The following HERC1 variants were observed in gnomAD, a reference collection of about 807,000 sequenced individuals.
HERC1 encodes the protein probable E3 ubiquitin-protein ligase HERC1.
Under a neutral mutation model 554.3 loss-of-function variants are expected in HERC1, and 160 were observed. That is an observed-to-expected ratio of 0.29 (90% CI 0.25 to 0.33). HERC1 has a LOEUF of 0.33. Among genes scored for constraint, HERC1 ranks in the 10% least tolerant of loss-of-function variants. The pLI, the probability that HERC1 is intolerant of heterozygous loss-of-function variation, is 1.00. For synonymous variants in HERC1, 2,175 were observed against 2,131.7 expected, an observed-to-expected ratio of 1.02 and a Z score of -0.56; for missense variants, 4,919 against 5,918.5, an observed-to-expected ratio of 0.83 and a Z score of 5.54.
intron 19 of HERC1, among the ~76,000 whole-genome samples, chr15:63,720,698 G>A (rs1221341744): frequency 6.6e-6 from 1 of 151,978 alleles, no homozygotes; most frequent in Non-Finnish European, 1.5e-5. Flanking sequence ...TCCTCATCAG[G>A]CTCTTAGGAA....
chr15:63,757,194 TA>T lies in HERC1; in HGVS notation c.1222-447del, dbSNP rs914657052. ...GAAAGTTCTAGCTGGGCTACAAATGTAAAAAAAAAAGTGATCATAAGAAAAT... is the reference window on the plus strand; with the variant it reads ...GAAAGTTCTAGCTGGGCTACAAATGTAAAAAAAAAGTGATCATAAGAAAAT... On this transcript the variant is annotated intron_variant, in intron 4 of 77. Coordinates refer to ENST00000443617, the MANE Select transcript of HERC1 (RefSeq NM_003922.4). Among the ~76,000 whole-genome samples the T allele has an allele frequency of 1.5e-3, 198 of 130,812 alleles. 1 individual carries two copies. The highest frequency in any genetic ancestry group is 4.1e-3 in the African/African-American group (145 of 35,458). The allele number at this position is 130,812 out of a possible 152,430, so 85.8% of individuals were successfully genotyped here. A position where few individuals can be genotyped will look rare whatever the true frequency, so the allele number is the denominator to read the frequency against.
chr15:63,617,159 G>A (rs866655382), intron 74 of HERC1, among the ~76,000 whole-genome samples: 6 of 151,894 alleles, frequency 4.0e-5, no homozygotes, highest in South Asian at 4.2e-4. Flanking sequence ...ATCCCTCCCC[G>A]CTCCCCTCAC....
At chr15:63,751,491 C>A (rs1345134501) in intron 8 of HERC1, among the ~76,000 whole-genome samples, 1 of 152,122 alleles carries the variant, frequency 6.6e-6, no homozygotes, top group East Asian at 1.9e-4. Flanking sequence ...CTCAGTAAGG[C>A]CTACATAGAG....
intron 1 of HERC1, among the ~76,000 whole-genome samples, chr15:63,787,960 CAAAA>C (rs375499946): frequency 1.1e-4 from 5 of 45,660 alleles, no homozygotes; most frequent in East Asian, 1.3e-3. Context: ...GACCCTGTCT[CAAAA>C]AAAAAAAAAA....
At chr15:63,686,286 C>T (rs2071758411) in intron 34 of HERC1, 73 bp downstream of exon 34, 1 of 1,102,408 alleles carries the variant, frequency 9.1e-7, no homozygotes, top group Admixed American at 2.5e-5. Context: ...TCTTTCTACA[C>T]ATTTATTATA....
intron 69 of HERC1, 140 bp from the exon 70 acceptor site, chr15:63,628,955 T>A: frequency 5.8e-6 from 1 of 172,320 alleles, no homozygotes; most frequent in Non-Finnish European, 9.3e-6. Context: ...AACACATTCT[T>A]TTTTTTTTTT....
intron 77 of HERC1, among the ~76,000 whole-genome samples, chr15:63,609,660 C>T (rs1434135396): frequency 6.6e-6 from 1 of 152,136 alleles, no homozygotes; most frequent in African/African-American, 2.4e-5. Flanking sequence ...GATGCCCCCA[C>T]AGAGCAGGTA....
Position 63,694,949 on chromosome 15 carries a change from C to A in HERC1, c.5122-55G>T. The A allele has an allele frequency of 2.0e-6, 3 of 1,505,454 alleles. No homozygotes were observed. Among genetic ancestry groups the A allele is most frequent in the Admixed American group, 4.3e-5 (2 of 46,936 alleles). The allele number at this position is 1,505,454 out of a possible 1,614,324, so 93.3% of individuals were successfully genotyped here. On this transcript the variant is annotated intron_variant, in intron 27 of 77. Transcript: ENST00000443617. The surrounding 1 kb of genome is among the most constrained non-coding windows in gnomAD (Gnocchi z 4.3). ...TATTAGCAACAATAATACCTGCTTG[C>A]AAAAAGAAGTAATAACATTTTATTT...
At chr15:63,671,803 A>C (rs2070942426) in intron 39 of HERC1, among the ~76,000 whole-genome samples, 1 of 152,190 alleles carries the variant, frequency 6.6e-6, no homozygotes, top group South Asian at 2.1e-4. Context: ...TTAACTAAGG[A>C]AAGAGGGGAA....
chr15:63,609,747 G>A (rs139958932), intron 77 of HERC1, among the ~76,000 whole-genome samples: 42 of 152,296 alleles, frequency 2.8e-4, no homozygotes, highest in African/African-American at 9.9e-4. Flanking sequence ...GTCCTCATGT[G>A]CATTCTGCCT....
chr15:63,753,341 T>C (rs542301454), intron 7 of HERC1, among the ~76,000 whole-genome samples: 4 of 152,186 alleles, frequency 2.6e-5, no homozygotes, highest in African/African-American at 2.4e-5. Context: ...AAAAGAAACA[T>C]AGACAATTAT....
chr15:63,631,188 G>A (rs1258389300), intron 68 of HERC1, among the ~76,000 whole-genome samples: 1 of 152,146 alleles, frequency 6.6e-6, no homozygotes, highest in Non-Finnish European at 1.5e-5. Context: ...CATTCAACTT[G>A]TCTTGTCCTC....
Position 63,645,048 on chromosome 15 carries a change from T to C in HERC1, c.11128A>G (p.Thr3710Ala), listed in dbSNP as rs752231060. ...VCVWRIPQDT[T>A]QTNVTSAEGW... ...TCTGCACTAGTCACATTGGTCTGTGTAGTATCTTGAGGAATGCGCCAAACA... is the reference window on the plus strand; with the variant it reads ...TCTGCACTAGTCACATTGGTCTGTGCAGTATCTTGAGGAATGCGCCAAACA... Residue 3710 changes from threonine (T) to alanine (A), a missense_variant, in exon 57 of 78, where the codon ACA (threonine) becomes GCA (alanine). Thr to Ala is a moderately conservative substitution (Grantham distance 58, BLOSUM62 0). Coordinates refer to ENST00000443617, the MANE Select transcript of HERC1 (RefSeq NM_003922.4). The C allele has an allele frequency of 1.2e-6, 2 of 1,613,748 alleles. No individual in the cohort carries two copies. The highest frequency in any genetic ancestry group is 1.1e-5 in the South Asian group (1 of 91,088).
chr15:63,744,641 A>G (rs2074987584), intron 12 of HERC1, among the ~76,000 whole-genome samples: 1 of 152,170 alleles, frequency 6.6e-6, no homozygotes. Context: ...CCCAGGCCAC[A>G]AGGAGTATTG....
At chr15:63,743,540 G>A (rs1405431874) in intron 12 of HERC1, among the ~76,000 whole-genome samples, 2 of 152,050 alleles carry the variant, frequency 1.3e-5, no homozygotes, top group Non-Finnish European at 2.9e-5. Flanking sequence ...TGGGATTACA[G>A]GCGTGAGCCA....
chr15:63,760,435 C>CAAA (rs34164820), intron 3 of HERC1, among the ~76,000 whole-genome samples: 24 of 91,382 alleles, frequency 2.6e-4, no homozygotes, highest in South Asian at 4.3e-4. Flanking sequence ...AGACACCATC[C>CAAA]AAAAAAAAAA....
chr15:63,788,041 G>C (rs1013412744), intron 1 of HERC1, among the ~76,000 whole-genome samples: 4 of 146,572 alleles, frequency 2.7e-5, no homozygotes, highest in African/African-American at 7.6e-5. Flanking sequence ...TCAAAGGAAA[G>C]AAAGTTCAAG....
In HERC1 at chr15:63,626,111, G is replaced by A. The variant is rs2068290359; in HGVS notation, c.13149C>T (p.Pro4383=). The change falls in exon 71 of 78, where the codon CCC becomes CCT. Residue 4383 remains proline (P), a synonymous_variant. Transcript: ENST00000443617. ...PLQLGLPDTV[P]PQYGALREVS... is the part of the protein sequence containing the mutation. ...CTTCTCTCAGCGCCCCATACTGGGGGGGCACTGTGTCAGGCAGGCCCAGCT... is the reference window on the plus strand; with the variant it reads ...CTTCTCTCAGCGCCCCATACTGGGGAGGCACTGTGTCAGGCAGGCCCAGCT... The A allele has an allele frequency of 1.9e-6, 3 of 1,613,640 alleles. No homozygotes were observed. Among genetic ancestry groups the A allele is most frequent in the Admixed American group, 1.7e-5 (1 of 59,964 alleles).
intron 64 of HERC1, 112 bp downstream of exon 64, chr15:63,637,392 GA>G: frequency 1.1e-6 from 1 of 879,268 alleles, no homozygotes; most frequent in South Asian, 1.8e-5. Context: ...AAATGTAAGT[GA>G]AAACCTGATA....
Sources: gnomAD v4.1 joint callset for allele counts (sites outside exome capture counted in the v4.1 genomes callset) on GRCh38, gnomAD v4.1.1 for gene constraint, Gnocchi (gnomAD v3.1) non-coding constraint, MANE v1.5 for transcripts, NCBI Gene and HGNC (gene_info 2026-07-23, HGNC 2026-07-21) for gene names.